Variants in SLITRK3 observed in about 807,000 individuals in gnomAD.
SLITRK3 encodes the protein SLIT and NTRK like family member 3, also known as SLIT and NTRK-like protein 3.
Under a neutral mutation model 63.6 loss-of-function variants are expected in SLITRK3, and 16 were observed. The observed-to-expected ratio is 0.25, with a 90% confidence interval of 0.17 to 0.38. The LOEUF (loss-of-function observed/expected upper bound fraction) is 0.38. SLITRK3 is among the 10% of genes least tolerant of loss of function. The probability of loss-of-function intolerance (pLI) is 1.00; values close to 1 mark genes in which losing one functional copy is unlikely to be tolerated. For synonymous variants in SLITRK3, 547 were observed against 451.6 expected (o/e 1.21, Z -2.68); for missense variants, 1,117 against 1,181.4 (o/e 0.95, Z 0.80).
Position 165,189,240 on chromosome 3 carries a change from G to C in SLITRK3, c.1591C>G (p.Arg531Gly). The stretch of plus-strand genomic sequence containing the variant: ...AAGTAGTTCTTCCTCAGGTTGAGCC[G>C]GGCCAGGGATGTGCCAGCAAAGGCG... ...TDAFAGTSLA[R>G]LNLRKNYFLY... Residue 531 changes from arginine (R) to glycine (G), a missense_variant, in exon 2 of 2, where the codon CGG becomes GGG. Arg to Gly is a moderately radical substitution (Grantham distance 125). Coordinates refer to ENST00000475390, the MANE Select transcript of SLITRK3 (RefSeq NM_001318810.2). This position sits in a 1 kb window ranked among gnomAD's most constrained non-coding sequence, Gnocchi z 4.0. 6.2e-7 allele frequency: 1 copy of C among 1,614,174 alleles called. No homozygotes were observed. Among genetic ancestry groups the C allele is most frequent in the Non-Finnish European group, 8.5e-7 (1 of 1,180,036 alleles).
At chr3:165,193,164 A>T (rs1186333961) in intron 1 of SLITRK3, among the ~76,000 whole-genome samples, 1 of 150,074 alleles carries the variant, frequency 6.7e-6, no homozygotes, top group African/African-American at 2.5e-5. Flanking sequence ...AGAGGGGTAG[A>T]GAACACAAAT....
Position 165,188,047 on chromosome 3 carries a change from A to C in SLITRK3, c.2784T>G (p.Asp928Glu). 5 of 1,613,808 alleles carry C rather than the reference A, an allele frequency of 3.1e-6. No individual in the cohort carries two copies. Among genetic ancestry groups the C allele is most frequent in the Non-Finnish European group, 4.2e-6 (5 of 1,179,968 alleles). Residue 928 changes from aspartate to glutamate, a missense_variant, in exon 2 of 2, where the codon GAT (aspartate) becomes GAG (glutamate). Around this residue, in one of 4 missense-constraint regions of SLITRK3, gnomAD observed 499 missense variants for 463.6 expected, o/e 1.08. Coordinates refer to ENST00000475390, the MANE Select transcript of SLITRK3 (RefSeq NM_001318810.2). Reference protein sequence around the residue: ...PGMQYPDLQQDARLKETLLFS... With the variant: ...PGMQYPDLQQEARLKETLLFS... ...AGAGAAGGGTTTCTTTGAGCCTGGC[A>C]TCCTGCTGTAAGTCTGGGTATTGCA...
Position 165,190,267 on chromosome 3 carries a change from A to G in SLITRK3, c.564T>C (p.Leu188=), listed in dbSNP as rs900298818. The change falls in exon 2 of 2, where the codon CTT becomes CTC. Residue 188 remains leucine, a synonymous_variant. Transcript: ENST00000475390. ...AGACAGCCTTAAATAAATTGGTTGG[A>G]AGCATGGGGATGAGATTATCATTTA... ...LILNDNLIPM[L]PTNLFKAVSL... is the part of the protein sequence containing the mutation. 2 of 1,614,052 alleles carry G rather than the reference A, an allele frequency of 1.2e-6. No homozygotes were observed. The highest frequency in any genetic ancestry group is 8.5e-7 in the Non-Finnish European group (1 of 1,180,040).
chr3:165,196,863 G>A (rs1235532432), upstream of SLITRK3: 1 of 60,412 alleles, frequency 1.7e-5, no homozygotes, highest in African/African-American at 5.1e-5. Flanking sequence ...AGGAAGCAAG[G>A]AAGCAAGTGA....
chr3:165,192,211 T>G (rs890738687), intron 1 of SLITRK3, among the ~76,000 whole-genome samples: 1 of 116,408 alleles, frequency 8.6e-6, no homozygotes, highest in Non-Finnish European at 2.2e-5. Flanking sequence ...AAGAAATAAA[T>G]CTTCACATTA....
In SLITRK3 at chr3:165,187,966, C is replaced by T. The variant is rs770893456; in HGVS notation, c.2865G>A (p.Glu955=). Residue 955 remains glutamate (E), a synonymous_variant, in exon 2 of 2, where the codon GAG becomes GAA. Transcript: ENST00000475390. Reference sequence around the variant, plus strand: ...GCTTGGTTTGAAGTTTGGCCCTTAACTCGAGGTAATCACTTTTTTGGGTTT... The same window carrying T: ...GCTTGGTTTGAAGTTTGGCCCTTAATTCGAGGTAATCACTTTTTTGGGTTT... ...DHQTQKSDYL[E]LRAKLQTKPD... 16 of 1,613,828 alleles carry T rather than the reference C, an allele frequency of 9.9e-6. No homozygotes were observed. In the South Asian group the frequency reaches 1.8e-4, roughly 18 times the overall value.
chr3:165,194,004 TG>T (rs1308604706), intron 1 of SLITRK3, among the ~76,000 whole-genome samples: 3 of 152,068 alleles, frequency 2.0e-5, no homozygotes, highest in South Asian at 4.2e-4. Context: ...ACTACAGTCC[TG>T]CCTGCTGGGA....
In SLITRK3 at chr3:165,190,070, G is replaced by A. The variant is rs199860918; in HGVS notation, c.761C>T (p.Ala254Val). 12 of 1,613,964 alleles carry A rather than the reference G, an allele frequency of 7.4e-6. No homozygotes were observed. Among genetic ancestry groups the A allele is most frequent in the African/African-American group, 2.7e-5 (2 of 74,896 alleles). The change falls in exon 2 of 2, where the codon GCC becomes GTC. Residue 254 changes from alanine to valine, a missense_variant. By Grantham distance (64) the Ala-to-Val change is moderately conservative. Around this residue, in one of 4 missense-constraint regions of SLITRK3, gnomAD observed 452 missense variants for 495.3 expected, o/e 0.91. Transcript: ENST00000475390. Reference sequence around the variant, plus strand: ...CTCACAGGTAATGTCTCCCACCAGGGCAGTATAAGGAATGCGTTCCAGCCA... The same window carrying A: ...CTCACAGGTAATGTCTCCCACCAGGACAGTATAAGGAATGCGTTCCAGCCA... ...KSWLERIPYT[A>V]LVGDITCETP...
Position 165,190,577 on chromosome 3 carries a change from T to G in SLITRK3, c.254A>C (p.Gln85Pro), listed in dbSNP as rs1365438588. ...FWSRPFKLYLQRNSMRKLYTN... is the reference protein window; with the variant it reads ...FWSRPFKLYLPRNSMRKLYTN... ...ATATAATTTCCTCATAGAATTCCTC[T>G]GCAGATACAGTTTAAAAGGTCTTGA... Residue 85 changes from glutamine to proline, a missense_variant, in exon 2 of 2, where the codon CAG (glutamine) becomes CCG (proline). Physicochemically the swap from Gln to Pro is moderately conservative, Grantham distance 76 (BLOSUM62 -1). Transcript: ENST00000475390. The G allele has an allele frequency of 2.5e-6, 4 of 1,613,814 alleles. No individual in the cohort carries two copies. The highest frequency in any genetic ancestry group is 3.4e-6 in the Non-Finnish European group (4 of 1,179,996).
intron 1 of SLITRK3, among the ~76,000 whole-genome samples, chr3:165,195,198 C>G (rs2108212221): frequency 6.6e-6 from 1 of 152,298 alleles, no homozygotes; most frequent in Non-Finnish European, 1.5e-5. Context: ...AATCTGCTGT[C>G]GTCAGGCGAA....
chr3:165,196,650 G>T (rs1457055350), upstream of SLITRK3: 1 of 152,268 alleles, frequency 6.6e-6, no homozygotes, highest in Admixed American at 6.5e-5. Context: ...TATAGGAAAC[G>T]CAGGGCTGGA....
Position 165,188,109 on chromosome 3 carries a change from G to A in SLITRK3, c.2722C>T (p.Pro908Ser), listed in dbSNP as rs1210205675. 1 of 1,613,414 alleles carries A rather than the reference G, an allele frequency of 6.2e-7. No individual in the cohort carries two copies. The highest frequency in any genetic ancestry group is 8.5e-7 in the Non-Finnish European group (1 of 1,179,878). ...TGCACGTGCAGTTCCTTTAATTTGGGCACTGTTCCATAGAGACAGTCCACA... is the reference window on the plus strand; with the variant it reads ...TGCACGTGCAGTTCCTTTAATTTGGACACTGTTCCATAGAGACAGTCCACA... ...GFVDCLYGTV[P>S]KLKELHVHPP... The change falls in exon 2 of 2, where the codon CCC (proline) becomes TCC (serine). Residue 908 changes from proline (P) to serine (S), a missense_variant. Pro to Ser is a moderately conservative substitution (Grantham distance 74, BLOSUM62 -1). Transcript: ENST00000475390.
Position 165,188,209 on chromosome 3 carries a change from A to C in SLITRK3, c.2622T>G (p.Pro874=), listed in dbSNP as rs201863606. The change falls in exon 2 of 2, where the codon CCT becomes CCG. Residue 874 remains proline (P), a synonymous_variant. Coordinates refer to ENST00000475390, the MANE Select transcript of SLITRK3 (RefSeq NM_001318810.2). ...EKNGGVVLFP[P]GGGCGSGSML... Reference sequence around the variant, plus strand: ...TACTGCCACTACCACAGCCTCCCCCAGGAGGAAACAGCACCACCCCACCAT... The same window carrying C: ...TACTGCCACTACCACAGCCTCCCCCCGGAGGAAACAGCACCACCCCACCAT... 1 of 1,613,780 alleles carries C rather than the reference A, an allele frequency of 6.2e-7. No homozygotes were observed. Among genetic ancestry groups the C allele is most frequent in the African/African-American group, 1.3e-5 (1 of 74,926 alleles).
At chr3:165,196,754 A>T (rs1447632334), upstream of SLITRK3, 1 of 151,152 alleles carries the variant, frequency 6.6e-6, no homozygotes, top group East Asian at 2.0e-4. Context: ...GAGCTCCGCC[A>T]GCGCGTCCCC....
upstream of SLITRK3, chr3:165,196,897 G>GTCTGTCTCTCTCTCTC (rs1718450127): frequency 1.0e-4 from 10 of 96,474 alleles, no homozygotes; most frequent in African/African-American, 3.6e-4. Flanking sequence ...CTCTCTCTCT[G>GTCTGTCTCTCTCTCTC]TCTCTCTCTC....
Position 165,188,468 on chromosome 3 carries a change from C to A in SLITRK3, c.2363G>T (p.Gly788Val). 1 of 1,613,964 alleles carries A rather than the reference C, an allele frequency of 6.2e-7. No homozygotes were observed. The highest frequency in any genetic ancestry group is 8.5e-7 in the Non-Finnish European group (1 of 1,179,976). Residue 788 changes from glycine to valine, a missense_variant, in exon 2 of 2, where the codon GGT becomes GTT. Transcript: ENST00000475390. ...CTGCTCACTTCCTAGGAGAGCCTCA[C>A]CCATTCCCGGTGGTTGTGTCCCTGG... ...GGPGTQPPGM[G>V]EALLGSEQFA...
At chr3:165,194,465 G>T (rs976811961) in intron 1 of SLITRK3, among the ~76,000 whole-genome samples, 1 of 152,100 alleles carries the variant, frequency 6.6e-6, no homozygotes, top group African/African-American at 2.4e-5. Flanking sequence ...TAAGTAAGCA[G>T]GAGGGCAGAA....
Position 165,188,075 on chromosome 3 carries a change from C to T in SLITRK3, c.2756G>A (p.Gly919Asp), listed in dbSNP as rs866770600. 1.2e-6 allele frequency: 2 copies of T among 1,613,754 alleles called. No individual in the cohort carries two copies. The highest frequency in any genetic ancestry group is 1.7e-5 in the Admixed American group (1 of 59,946). The change falls in exon 2 of 2, where the codon GGC (glycine) becomes GAC (aspartate). Residue 919 changes from glycine (G) to aspartate (D), a missense_variant. By Grantham distance (94) the Gly-to-Asp change is moderately conservative. Around this residue, in one of 4 missense-constraint regions of SLITRK3, gnomAD observed 499 missense variants for 463.6 expected, o/e 1.08. Transcript: ENST00000475390. ...CTGCTGTAAGTCTGGGTATTGCATGCCAGGAGGGTGCACGTGCAGTTCCTT... is the reference window on the plus strand; with the variant it reads ...CTGCTGTAAGTCTGGGTATTGCATGTCAGGAGGGTGCACGTGCAGTTCCTT... ...KLKELHVHPP[G>D]MQYPDLQQDA...
At chr3:165,191,320 G>T (rs569366767) in intron 1 of SLITRK3, among the ~76,000 whole-genome samples, 10 of 152,296 alleles carry the variant, frequency 6.6e-5, no homozygotes, top group African/African-American at 2.4e-4. Flanking sequence ...AGGTTTTGAT[G>T]ATTAAAAAGA....
Sources: gnomAD v4.1 joint callset for allele counts (sites outside exome capture counted in the v4.1 genomes callset) on GRCh38, gnomAD v4.1.1 for gene constraint, gnomAD v4.1.1 regional missense constraint, Gnocchi (gnomAD v3.1) non-coding constraint, MANE v1.5 for transcripts, NCBI Gene and HGNC (gene_info 2026-07-23, HGNC 2026-07-21) for gene names.